Variants in BPTF observed in about 807,000 individuals in gnomAD.
BPTF encodes the protein nucleosome-remodeling factor subunit BPTF.
BPTF carries 18 observed loss-of-function variants against 292.5 expected under a neutral mutation model. The ratio of observed to expected loss-of-function variants is 0.06; its 90% CI spans 0.04 to 0.09. The LOEUF is 0.09. BPTF is among the 10% of genes least tolerant of loss of function. The pLI, the probability that BPTF is intolerant of heterozygous loss-of-function variation, is 1.00. For missense variants in BPTF, 2,726 were observed against 3,498.7 expected, an observed-to-expected ratio of 0.78 and a Z score of 5.57; for synonymous variants, 1,225 against 1,251.9, an observed-to-expected ratio of 0.98 and a Z score of 0.45.
chr17:67,952,889 T>A (rs1390261446), intron 23 of BPTF, among the ~76,000 whole-genome samples: 3 of 152,198 alleles, frequency 2.0e-5, no homozygotes, highest in Non-Finnish European at 4.4e-5. Flanking sequence ...TTTGATAAAA[T>A]AATTTGTTTT....
Position 67,946,009 on chromosome 17 carries a change from C to T in BPTF, c.7301C>T (p.Ala2434Val). The change falls in exon 21 of 28, where the codon GCT (alanine) becomes GTT (valine). Residue 2434 changes from alanine (A) to valine (V), a missense_variant. By Grantham distance (64) the Ala-to-Val change is moderately conservative. Around this residue, in one of 22 missense-constraint regions of BPTF, gnomAD observed 570 missense variants for 633.5 expected, o/e 0.90. Coordinates refer to ENST00000306378, the MANE Select transcript of BPTF (RefSeq NM_182641.4). ...QIQQPQPQVI[A>V]VPQLQQQVQV... Reference sequence around the variant, plus strand: ...CAGCAGCCACAGCCCCAAGTCATTGCTGTGCCTCAGCTGCAACAACAAGTC... The same window carrying T: ...CAGCAGCCACAGCCCCAAGTCATTGTTGTGCCTCAGCTGCAACAACAAGTC... 6.2e-7 allele frequency: 1 copy of T among 1,614,222 alleles called. No individual in the cohort carries two copies. Among genetic ancestry groups the T allele is most frequent in the Non-Finnish European group, 8.5e-7 (1 of 1,180,042 alleles).
intron 26 of BPTF, among the ~76,000 whole-genome samples, chr17:67,971,629 C>T (rs546697957): frequency 4.6e-5 from 7 of 151,904 alleles, no homozygotes; most frequent in Admixed American, 4.6e-4. Context: ...CATGGCGAAA[C>T]CCCGTCTCTA....
Position 67,825,670 on chromosome 17 carries a change from C to G in BPTF, c.-55C>G, listed in dbSNP as rs1380442804. 3.0e-5 allele frequency: 13 copies of G among 431,562 alleles called. No homozygotes were observed. In the Admixed American group the frequency reaches 7.2e-4, roughly 24 times the overall value. 26.7% of individuals were successfully genotyped at this position (431,562 alleles called of 1,614,324 possible). A position where few individuals can be genotyped will look rare whatever the true frequency, so the allele number is the denominator to read the frequency against. On this transcript the variant is annotated 5_prime_UTR_variant, in exon 1 of 28. Transcript: ENST00000306378. The stretch of plus-strand genomic sequence containing the variant: ...CGGCCCCGGCGCTCCCCACCGCCCC[C>G]CCTGCGCCCGCCCCTCCCCCTTCGC...
At chr17:67,875,838 G>A in intron 4 of BPTF, 2 of 1,069,408 alleles carry the variant, frequency 1.9e-6, no homozygotes, top group Non-Finnish European at 2.4e-6. Context: ...TAAACTATGT[G>A]TTCATTCATG....
intron 3 of BPTF, among the ~76,000 whole-genome samples, chr17:67,867,599 T>C (rs1246903927): frequency 1.3e-5 from 2 of 152,218 alleles, no homozygotes; most frequent in Non-Finnish European, 1.5e-5. Context: ...TTAGTCATCA[T>C]GTTTTCCTCT....
chr17:67,974,207 C>G (rs1555692590), intron 26 of BPTF: 1 of 152,100 alleles, frequency 6.6e-6, no homozygotes, highest in Admixed American at 6.6e-5. Flanking sequence ...TTATTTCAAA[C>G]ACGTCGTTCT....
Position 67,890,633 on chromosome 17 carries a change from G to A in BPTF, c.1865-1211G>A, listed in dbSNP as rs534026099. 5.9e-5 allele frequency among the ~76,000 whole-genome samples: 9 copies of A among 152,292 alleles called. No homozygotes were observed. The East Asian group carries it at 1.5e-3, about 26-fold the overall frequency. On this transcript the variant is annotated intron_variant, in intron 4 of 27. Coordinates refer to ENST00000306378, the MANE Select transcript of BPTF (RefSeq NM_182641.4). ...GCAACATACTTGATTTGCAGCCCTG[G>A]CAGAATCATATGATTAAAGTGTGGG...
In BPTF at chr17:67,825,989, G is replaced by A; in HGVS notation, c.265G>A (p.Ala89Thr). 1 of 1,037,390 alleles carries A rather than the reference G, an allele frequency of 9.6e-7. No individual in the cohort carries two copies. The highest frequency in any genetic ancestry group is 4.6e-5 in the South Asian group (1 of 21,740). 64.3% of individuals were successfully genotyped at this position (1,037,390 alleles called of 1,614,324 possible). ...PPPPAPPSTS[A>T]PGRGGRGGGG... is the part of the protein sequence containing the mutation. Reference sequence around the variant, plus strand: ...GCCGCCGGCCCCCCCCAGCACCAGCGCCCCGGGCCGGGGGGGGCGAGGAGG... The same window carrying A: ...GCCGCCGGCCCCCCCCAGCACCAGCACCCCGGGCCGGGGGGGGCGAGGAGG... The change falls in exon 1 of 28, where the codon GCC (alanine) becomes ACC (threonine). Residue 89 changes from alanine (A) to threonine (T), a missense_variant. Around this residue, in one of 22 missense-constraint regions of BPTF, gnomAD observed 103 missense variants for 72.1 expected, o/e 1.43. Coordinates refer to ENST00000306378, the MANE Select transcript of BPTF (RefSeq NM_182641.4).
intron 4 of BPTF, among the ~76,000 whole-genome samples, chr17:67,880,315 A>T (rs2060317779): frequency 6.6e-6 from 1 of 150,474 alleles, no homozygotes; most frequent in South Asian, 2.1e-4. Context: ...CCTTCCTTTT[A>T]TTTTCTTTGT....
intron 4 of BPTF, among the ~76,000 whole-genome samples, chr17:67,882,110 C>T (rs570499534): frequency 2.0e-5 from 3 of 152,248 alleles, no homozygotes; most frequent in Non-Finnish European, 4.4e-5. Flanking sequence ...GGTAGAATTA[C>T]AGGCGTGAGC....
intron 2 of BPTF, among the ~76,000 whole-genome samples, chr17:67,859,417 G>T (rs1340100198): frequency 6.6e-6 from 1 of 152,160 alleles, no homozygotes; most frequent in African/African-American, 2.4e-5. Flanking sequence ...AAATCATAGG[G>T]TTACAGGCCT....
intron 1 of BPTF, among the ~76,000 whole-genome samples, chr17:67,826,584 C>CG (rs886176923): frequency 2.0e-5 from 3 of 147,084 alleles, no homozygotes; most frequent in Admixed American, 6.8e-5. Context: ...TCTCTCTCCC[C>CG]CCCCCAACCC....
intron 11 of BPTF, among the ~76,000 whole-genome samples, chr17:67,918,464 C>T (rs1360817218): frequency 6.6e-6 from 1 of 152,002 alleles, no homozygotes; most frequent in East Asian, 1.9e-4. Flanking sequence ...ATTTTATAAA[C>T]TTATATGGCA....
At chr17:67,941,080 G>A (rs1309922107) in intron 19 of BPTF, among the ~76,000 whole-genome samples, 1 of 152,214 alleles carries the variant, frequency 6.6e-6, no homozygotes, top group Non-Finnish European at 1.5e-5. Context: ...AAGTTTATAT[G>A]GAGGTACAAA....
At chr17:67,876,976 A>G (rs146991470) in intron 4 of BPTF, among the ~76,000 whole-genome samples, 403 of 152,314 alleles carry the variant, frequency 2.6e-3, no homozygotes, top group African/African-American at 9.0e-3. Context: ...TGCTGTACCT[A>G]CAAATTCAAA....
At chr17:67,852,789 A>G (rs2058487692) in intron 1 of BPTF, among the ~76,000 whole-genome samples, 1 of 152,246 alleles carries the variant, frequency 6.6e-6, no homozygotes, top group Non-Finnish European at 1.5e-5. Flanking sequence ...ATTCAGATAG[A>G]TGTTTGCCAA....
chr17:67,971,857 A>C (rs542136314), intron 26 of BPTF, among the ~76,000 whole-genome samples: 49 of 152,132 alleles, frequency 3.2e-4, no homozygotes, highest in African/African-American at 1.1e-3. Context: ...GAAGAAAAAA[A>C]TTACACGTTA....
intron 1 of BPTF, among the ~76,000 whole-genome samples, chr17:67,851,962 TAGAG>T (rs2058436433): frequency 1.3e-5 from 2 of 151,514 alleles, no homozygotes; most frequent in Non-Finnish European, 2.9e-5. Flanking sequence ...ATTCACCTGG[TAGAG>T]AGATACCAGA....
intron 26 of BPTF, among the ~76,000 whole-genome samples, chr17:67,969,662 C>T (rs2068549561): frequency 6.6e-6 from 1 of 151,654 alleles, no homozygotes; most frequent in Non-Finnish European, 1.5e-5. Flanking sequence ...CCTGGTTTTC[C>T]TGTTTGTTTT....
Sources: gnomAD v4.1 joint callset for allele counts (sites outside exome capture counted in the v4.1 genomes callset) on GRCh38, gnomAD v4.1.1 for gene constraint, gnomAD v4.1.1 regional missense constraint, MANE v1.5 for transcripts, NCBI Gene and HGNC (gene_info 2026-07-23, HGNC 2026-07-21) for gene names.